PRKAB1: variants seen among roughly 807,000 people sequenced by gnomAD.
The protein encoded by PRKAB1 is 5'-AMP-activated protein kinase subunit beta-1.
In PRKAB1, 18 loss-of-function variants were observed where a neutral mutation model predicts 32.0. That is an observed-to-expected ratio of 0.56 (90% CI 0.39 to 0.83). PRKAB1 has a LOEUF of 0.83. PRKAB1 is among the 40% of genes least tolerant of loss of function. PRKAB1 has a pLI of 0.00. For missense variants in PRKAB1, 263 were observed against 352.6 expected (o/e 0.75, Z 2.03); for synonymous variants, 141 against 141.4 (o/e 1.00, Z 0.02).
At position 119,668,313 on chromosome 12, in the gene PRKAB1, C is replaced by A; in HGVS notation, c.69C>A (p.Asp23Glu). ...GTGGCCATAAGACGCCCCGGAGGGA[C>A]AGCTCGGGGGGCACCAAGGACGGGG... Reference protein sequence around the residue: ...RHGGHKTPRRDSSGGTKDGDR... With the variant: ...RHGGHKTPRRESSGGTKDGDR... The change falls in exon 1 of 7, where the codon GAC becomes GAA. Residue 23 changes from aspartate (D) to glutamate (E), a missense_variant. Coordinates refer to ENST00000229328, the MANE Select transcript of PRKAB1 (RefSeq NM_006253.5). The A allele has an allele frequency of 1.9e-6, 3 of 1,612,774 alleles. No homozygotes were observed. The highest frequency in any genetic ancestry group is 2.5e-6 in the Non-Finnish European group (3 of 1,179,522).
At position 119,673,949 on chromosome 12, in the gene PRKAB1, C is replaced by T; in HGVS notation, c.324-15C>T. 6.2e-7 allele frequency: 1 copy of T among 1,610,460 alleles called. No homozygotes were observed. The highest frequency in any genetic ancestry group is 8.5e-7 in the Non-Finnish European group (1 of 1,178,088). On this transcript the variant is annotated splice_polypyrimidine_tract_variant and intron_variant, in intron 2 of 6. Coordinates refer to ENST00000229328, the MANE Select transcript of PRKAB1 (RefSeq NM_006253.5). Reference sequence around the variant, plus strand: ...CCCACCCCACGGAAGTCCTCTGCTTCCTTTTTCCTTGCAGCCACAATAACT... The same window carrying T: ...CCCACCCCACGGAAGTCCTCTGCTTTCTTTTTCCTTGCAGCCACAATAACT...
chr12:119,672,195 A>C (rs1421142476), intron 1 of PRKAB1, 106 bp from the exon 2 acceptor site: 1 of 1,219,924 alleles, frequency 8.2e-7, no homozygotes, highest in Non-Finnish European at 1.1e-6. Flanking sequence ...TCCGATCCTA[A>C]CCATGAACCA....
At chr12:119,669,123 A>AT (rs1291322833) in intron 1 of PRKAB1, among the ~76,000 whole-genome samples, 26 of 149,818 alleles carry the variant, frequency 1.7e-4, no homozygotes, top group African/African-American at 6.4e-4. Context: ...TCTCAAAAAA[A>AT]AAATATAAAT....
chr12:119,679,933 T>C lies in PRKAB1; in HGVS notation c.667T>C (p.Cys223Arg), dbSNP rs756574271. 6.2e-6 allele frequency: 10 copies of C among 1,614,048 alleles called. No homozygotes were observed. Among genetic ancestry groups the C allele is most frequent in the South Asian group, 2.2e-5 (2 of 91,076 alleles). Residue 223 changes from cysteine (C) to arginine (R), a missense_variant and splice_region_variant, in exon 6 of 7, where the codon TGT becomes CGT. Transcript: ENST00000229328. The surrounding 1 kb of genome is among the most constrained non-coding windows in gnomAD (Gnocchi z 4.1). ...CACCGCTGCCTTTGTTCCCTCACAG[T>C]GTGATCCAGCTTTGCTTCCTGAGCC... is the stretch of plus-strand genomic sequence containing the variant. ...VILNKDTGIS[C>R]DPALLPEPNH...
At position 119,668,138 on chromosome 12, in the gene PRKAB1, C is replaced by A; in HGVS notation, c.-107C>A. On this transcript the variant is annotated 5_prime_UTR_variant, in exon 1 of 7. Coordinates refer to ENST00000229328, the MANE Select transcript of PRKAB1 (RefSeq NM_006253.5). Reference sequence around the variant, plus strand: ...GCGTGGTGTCCTGGTGCTCCGACTCCTTCCGCAGGCTCCTTGGGACCCGCG... The same window carrying A: ...GCGTGGTGTCCTGGTGCTCCGACTCATTCCGCAGGCTCCTTGGGACCCGCG... The A allele has an allele frequency of 7.6e-7, 1 of 1,316,586 alleles. No individual in the cohort carries two copies. Among genetic ancestry groups the A allele is most frequent in the Non-Finnish European group, 9.9e-7 (1 of 1,011,674 alleles). The allele number at this position is 1,316,586 out of a possible 1,614,324, so 81.6% of individuals were successfully genotyped here. A position where few individuals can be genotyped will look rare whatever the true frequency, so the allele number is the denominator to read the frequency against.
At chr12:119,671,626 T>G in intron 1 of PRKAB1, 3 of 273,990 alleles carry the variant, frequency 1.1e-5, no homozygotes, top group South Asian at 9.2e-5. Flanking sequence ...CTCCACCTGG[T>G]CCTGCCCTTG....
intron 1 of PRKAB1, 124 bp downstream of exon 1, chr12:119,668,527 G>A: frequency 7.5e-7 from 1 of 1,332,354 alleles, no homozygotes; most frequent in African/African-American, 1.5e-5. Flanking sequence ...TACATTACCC[G>A]GTGCACTTAA....
chr12:119,667,991 A>C (rs1202085867), upstream of PRKAB1: 8 of 483,058 alleles, frequency 1.7e-5, no homozygotes, highest in East Asian at 7.6e-5. Flanking sequence ...GCGGTTGGGA[A>C]AGTGTCGGTT....
intron 1 of PRKAB1, chr12:119,671,433 T>G: frequency 2.6e-6 from 1 of 379,530 alleles, no homozygotes; most frequent in Non-Finnish European, 5.3e-6. Flanking sequence ...ATTGACTCAG[T>G]TCCGCATGGC....
At chr12:119,677,665 T>C (rs1364267823) in intron 5 of PRKAB1, 4 of 152,138 alleles carry the variant, frequency 2.6e-5, no homozygotes, top group Admixed American at 2.6e-4. Context: ...GCTTCTGCCT[T>C]AGAAGCACTT....
At position 119,674,459 on chromosome 12, in the gene PRKAB1, G is replaced by T; in HGVS notation, c.532+5G>T. 6.3e-7 allele frequency: 1 copy of T among 1,590,118 alleles called. No homozygotes were observed. The highest frequency in any genetic ancestry group is 1.1e-5 in the South Asian group (1 of 90,552). Reference sequence around the variant, plus strand: ...AAAAGTGCTCCGATGTGTCTGGTATGAACACAGTTATTTTATACCACATGC... The same window carrying T: ...AAAAGTGCTCCGATGTGTCTGGTATTAACACAGTTATTTTATACCACATGC... On this transcript the variant is annotated splice_donor_5th_base_variant and intron_variant, in intron 4 of 6. Coordinates refer to ENST00000229328, the MANE Select transcript of PRKAB1 (RefSeq NM_006253.5). The surrounding 1 kb of genome is among the most constrained non-coding windows in gnomAD (Gnocchi z 4.3).
rs148704594 is a variant in PRKAB1 at position 119,679,564 on chromosome 12, C to T, written c.667-369C>T. 2 of 283,724 alleles carry T rather than the reference C, an allele frequency of 7.0e-6. No homozygotes were observed. Among genetic ancestry groups the T allele is most frequent in the African/African-American group, 4.4e-5 (2 of 45,722 alleles). The allele number at this position is 283,724 out of a possible 1,614,324, so 17.6% of individuals were successfully genotyped here. A position where few individuals can be genotyped will look rare whatever the true frequency, so the allele number is the denominator to read the frequency against. On this transcript the variant is annotated intron_variant, in intron 5 of 6. Transcript: ENST00000229328. This position sits in a 1 kb window ranked among gnomAD's most constrained non-coding sequence, Gnocchi z 4.1. ...AGATACAAGTTTTGAATCCATTGCT[C>T]AGGAGCGTTTAGTGCAGATGGTCTC...
intron 4 of PRKAB1, among the ~76,000 whole-genome samples, chr12:119,675,600 A>C (rs1410121971): frequency 1.3e-5 from 2 of 152,200 alleles, no homozygotes; most frequent in Non-Finnish European, 1.5e-5. Flanking sequence ...CCTCACTGAT[A>C]CGAAGCTAAT....
rs1955464050 is a variant in PRKAB1 at position 119,681,543 on chromosome 12, C to G, written c.*1218C>G. 1.3e-5 allele frequency: 2 copies of G among 151,966 alleles called. No individual in the cohort carries two copies. Among genetic ancestry groups the G allele is most frequent in the African/African-American group, 2.4e-5 (1 of 41,354 alleles). 9.4% of individuals were successfully genotyped at this position (151,966 alleles called of 1,614,324 possible). A position where few individuals can be genotyped will look rare whatever the true frequency, so the allele number is the denominator to read the frequency against. ...TTGGTATACCTGAGTTTGGGGGTAC[C>G]CTTTTTTGTGACTTTTCAAAACAGT... On this transcript the variant is annotated 3_prime_UTR_variant, in exon 7 of 7. Coordinates refer to ENST00000229328, the MANE Select transcript of PRKAB1 (RefSeq NM_006253.5).
At chr12:119,667,965 G>C, upstream of PRKAB1, 1 of 424,892 alleles carries the variant, frequency 2.4e-6, no homozygotes, top group Admixed American at 4.8e-5. Context: ...AGCGGAAGTC[G>C]CTGAGGGGTG....
At chr12:119,675,688 C>T (rs1303127769) in intron 4 of PRKAB1, among the ~76,000 whole-genome samples, 1 of 152,182 alleles carries the variant, frequency 6.6e-6, no homozygotes, top group African/African-American at 2.4e-5. Context: ...CAGTTTTCTG[C>T]ACTTCATGCT....
At chr12:119,672,530 T>A (rs1593330329) in intron 2 of PRKAB1, 66 bp downstream of exon 2, 3 of 1,399,478 alleles carry the variant, frequency 2.1e-6, no homozygotes, top group South Asian at 1.6e-5. Context: ...AAAACATCTC[T>A]GAGAGAGAAC....
rs940930870 is a variant in PRKAB1 at position 119,679,855 on chromosome 12, A to G, written c.667-78A>G. 1 of 1,473,344 alleles carries G rather than the reference A, an allele frequency of 6.8e-7. No individual in the cohort carries two copies. The highest frequency in any genetic ancestry group is 1.4e-5 in the African/African-American group (1 of 72,018). 91.3% of individuals were successfully genotyped at this position (1,473,344 alleles called of 1,614,324 possible). A position where few individuals can be genotyped will look rare whatever the true frequency, so the allele number is the denominator to read the frequency against. ...TGAGCGCTGCCTCCTGTCCTTTGATATCTGGCACTGGGAAGTAAAGGGGAG... is the reference window on the plus strand; with the variant it reads ...TGAGCGCTGCCTCCTGTCCTTTGATGTCTGGCACTGGGAAGTAAAGGGGAG... On this transcript the variant is annotated intron_variant, in intron 5 of 6. Coordinates refer to ENST00000229328, the MANE Select transcript of PRKAB1 (RefSeq NM_006253.5). This position sits in a 1 kb window ranked among gnomAD's most constrained non-coding sequence, Gnocchi z 4.1.
chr12:119,679,856 T>A lies in PRKAB1; in HGVS notation c.667-77T>A. The A allele has an allele frequency of 6.8e-7, 1 of 1,477,164 alleles. No homozygotes were observed. The highest frequency in any genetic ancestry group is 9.5e-7 in the Non-Finnish European group (1 of 1,055,720). The allele number at this position is 1,477,164 out of a possible 1,614,324, so 91.5% of individuals were successfully genotyped here. Reference sequence around the variant, plus strand: ...GAGCGCTGCCTCCTGTCCTTTGATATCTGGCACTGGGAAGTAAAGGGGAGA... The same window carrying A: ...GAGCGCTGCCTCCTGTCCTTTGATAACTGGCACTGGGAAGTAAAGGGGAGA... On this transcript the variant is annotated intron_variant, in intron 5 of 6. Coordinates refer to ENST00000229328, the MANE Select transcript of PRKAB1 (RefSeq NM_006253.5). The surrounding 1 kb of genome is among the most constrained non-coding windows in gnomAD (Gnocchi z 4.1).
Sources: allele counts gnomAD v4.1 joint callset (sites outside exome capture counted in the v4.1 genomes callset), GRCh38; gene constraint gnomAD v4.1.1; non-coding constraint Gnocchi (gnomAD v3.1); transcripts MANE v1.5; gene names NCBI Gene and HGNC (gene_info 2026-07-23, HGNC 2026-07-21).